Variants in MTMR8 observed in about 807,000 individuals in gnomAD.
MTMR8 encodes the protein phosphatidylinositol-3,5-bisphosphate 3-phosphatase MTMR8.
Under a neutral mutation model 39.3 loss-of-function variants are expected in MTMR8, and 65 were observed. The observed-to-expected ratio is 1.65, with a 90% confidence interval of 1.35 to 2.03. The LOEUF (loss-of-function observed/expected upper bound fraction) is 2.03. Among genes scored for constraint, MTMR8 ranks in the 30% most tolerant of loss-of-function variants. The pLI is 0.00. For missense variants in MTMR8, 777 were observed against 538.9 expected, an observed-to-expected ratio of 1.44 and a Z score of -4.37; for synonymous variants, 245 against 185.2, an observed-to-expected ratio of 1.32 and a Z score of -2.62.
chrX:64,296,713 A>G (rs1366446849), intron 12 of MTMR8, among the ~76,000 whole-genome samples: 1 of 107,809 alleles, frequency 9.3e-6, no homozygotes, highest in East Asian at 3.0e-4. Context: ...TATATCTTCC[A>G]ATGCTATCCC....
chrX:64,316,095 T>C (rs1023113195), intron 12 of MTMR8, among the ~76,000 whole-genome samples: 9 of 111,885 alleles, frequency 8.0e-5, no homozygotes, highest in African/African-American at 2.9e-4. Flanking sequence ...TAGAATCATA[T>C]CAGATAGCGT....
At position 64,285,672 on chromosome X, in the gene MTMR8, T is replaced by C. The variant is rs1479333848; in HGVS notation, c.1482-14599A>G. Among the ~76,000 whole-genome samples, 3 of 111,472 alleles carry C rather than the reference T, an allele frequency of 2.7e-5. No individual in the cohort carries two copies. In the South Asian group the frequency reaches 1.1e-3, roughly 42 times the overall value. Reference sequence around the variant, plus strand: ...AACTAGAACTCAGGATTAAGAAACTTACTCAAAACTGCTCAACTACATGGA... The same window carrying C: ...AACTAGAACTCAGGATTAAGAAACTCACTCAAAACTGCTCAACTACATGGA... On this transcript the variant is annotated intron_variant, in intron 12 of 13. Transcript: ENST00000374852.
chrX:64,385,318 T>C (rs1376638134), intron 1 of MTMR8, among the ~76,000 whole-genome samples: 2 of 111,623 alleles, frequency 1.8e-5, no homozygotes, highest in Non-Finnish European at 3.8e-5. Context: ...TTAACCAGTC[T>C]CTAGGAAGGT....
chrX:64,360,196 C>A (rs1602146527), intron 1 of MTMR8, among the ~76,000 whole-genome samples: 1 of 109,932 alleles, frequency 9.1e-6, no homozygotes, highest in East Asian at 2.8e-4. Context: ...AGGTAGCAGT[C>A]TCAATATCTG....
At chrX:64,275,232 T>C (rs988618796) in intron 12 of MTMR8, among the ~76,000 whole-genome samples, 2 of 111,044 alleles carry the variant, frequency 1.8e-5, no homozygotes, top group African/African-American at 6.6e-5. Context: ...AGTGATAAAT[T>C]ATAGTGATAA....
intron 1 of MTMR8, among the ~76,000 whole-genome samples, chrX:64,364,340 C>T (rs887373927): frequency 8.9e-6 from 1 of 111,805 alleles, no homozygotes; most frequent in African/African-American, 3.3e-5. Context: ...CCAGTAGGGG[C>T]CGAATGATAC....
intron 12 of MTMR8, among the ~76,000 whole-genome samples, chrX:64,304,011 GA>G (rs1045589353): frequency 1.8e-5 from 2 of 111,649 alleles, no homozygotes; most frequent in African/African-American, 3.3e-5. Context: ...AAAAAGTTAT[GA>G]TTTTTTTCAT....
intron 11 of MTMR8, 78 bp downstream of exon 11, chrX:64,331,479 A>G: frequency 1.0e-6 from 1 of 962,301 alleles, no homozygotes; most frequent in Non-Finnish European, 1.5e-6. Flanking sequence ...TGCTATGCCA[A>G]ATTCAGGGTG....
chrX:64,288,234 C>T (rs972128120), intron 12 of MTMR8, among the ~76,000 whole-genome samples: 1 of 109,927 alleles, frequency 9.1e-6, no homozygotes, highest in African/African-American at 3.3e-5. Flanking sequence ...GACATTTATG[C>T]AGCCAACAGC....
At position 64,319,030 on chromosome X, in the gene MTMR8, G is replaced by A. The variant is rs113957582; in HGVS notation, c.1481+9742C>T. On this transcript the variant is annotated intron_variant, in intron 12 of 13. Coordinates refer to ENST00000374852, the MANE Select transcript of MTMR8 (RefSeq NM_017677.4). ...GAAATGCAGAATTTCTGGCACTACA[G>A]TTGTCAATAAGTACATGTAAACTAC... Among the ~76,000 whole-genome samples, 409 of 111,711 alleles carry A rather than the reference G, an allele frequency of 3.7e-3. 2 individuals carry two copies. Among genetic ancestry groups the A allele is most frequent in the African/African-American group, 0.012 (383 of 30,765 alleles).
chrX:64,332,669 C>T (rs1461985316), intron 10 of MTMR8, among the ~76,000 whole-genome samples: 1 of 111,619 alleles, frequency 9.0e-6, no homozygotes, highest in Admixed American at 9.5e-5. Flanking sequence ...GTGTCACTTC[C>T]CTACATTCTC....
At position 64,291,046 on chromosome X, in the gene MTMR8, CTG is replaced by C. The variant is rs202206413; in HGVS notation, c.1482-19975_1482-19974del. Reference sequence around the variant, plus strand: ...TTCAATTTTTTAGAAAACTGACAAACTGTTTTTCAAAGTGGCTCCATACTATT... The same window carrying C: ...TTCAATTTTTTAGAAAACTGACAAACTTTTTCAAAGTGGCTCCATACTATT... On this transcript the variant is annotated intron_variant, in intron 12 of 13. Coordinates refer to ENST00000374852, the MANE Select transcript of MTMR8 (RefSeq NM_017677.4). Among the ~76,000 whole-genome samples, 820 of 111,615 alleles carry C rather than the reference CTG, an allele frequency of 7.3e-3. 10 individuals carry two copies. Among genetic ancestry groups the C allele is most frequent in the African/African-American group, 0.025 (776 of 30,750 alleles).
intron 12 of MTMR8, chrX:64,305,428 G>A (rs1409376573): frequency 3.6e-6 from 1 of 278,332 alleles, no homozygotes; most frequent in Non-Finnish European, 6.6e-6. Context: ...TGTATCTGCA[G>A]CTGATTACCT....
At chrX:64,306,276 G>A (rs1922115625) in intron 12 of MTMR8, 2 of 324,570 alleles carry the variant, frequency 6.2e-6, no homozygotes, top group South Asian at 6.9e-5. Context: ...ATGTGGCACA[G>A]CATTGGACTG....
intron 1 of MTMR8, among the ~76,000 whole-genome samples, chrX:64,380,546 T>A (rs185942766): frequency 2.1e-3 from 231 of 112,661 alleles, no homozygotes; most frequent in Non-Finnish European, 3.3e-3. Context: ...CTAAATAAAA[T>A]TTTTATTTGA....
At chrX:64,394,652 A>ATCT (rs2147252108) in intron 1 of MTMR8, among the ~76,000 whole-genome samples, 1 of 112,018 alleles carries the variant, frequency 8.9e-6, no homozygotes, top group East Asian at 2.8e-4. Context: ...GAAAGATGAG[A>ATCT]GGAAAAAGTA....
At chrX:64,347,177 G>C (rs1923368154) in intron 6 of MTMR8, among the ~76,000 whole-genome samples, 1 of 110,373 alleles carries the variant, frequency 9.1e-6, no homozygotes, top group Non-Finnish European at 1.9e-5. Context: ...CAGAAGAGAG[G>C]GAATGCCAGA....
At chrX:64,359,846 G>A (rs1223944341) in intron 1 of MTMR8, among the ~76,000 whole-genome samples, 2 of 106,913 alleles carry the variant, frequency 1.9e-5, no homozygotes, top group Non-Finnish European at 3.8e-5. Context: ...GGAAGAAGGT[G>A]CAGTTATTGT....
intron 1 of MTMR8, among the ~76,000 whole-genome samples, chrX:64,363,605 T>A: frequency 8.9e-6 from 1 of 112,178 alleles, no homozygotes; most frequent in Non-Finnish European, 1.9e-5. Context: ...CTTTAAAAAT[T>A]ACTCAGTCTC....
Sources: gnomAD v4.1 joint callset for allele counts (sites outside exome capture counted in the v4.1 genomes callset) on GRCh38, gnomAD v4.1.1 for gene constraint, MANE v1.5 for transcripts, NCBI Gene and HGNC (gene_info 2026-07-23, HGNC 2026-07-21) for gene names.